The following ASH1L variants were observed in gnomAD, a reference collection of about 807,000 sequenced individuals.
ASH1L encodes the protein ASH1 like histone lysine methyltransferase, also known as histone-lysine N-methyltransferase ASH1L.
ASH1L carries 23 observed loss-of-function variants against 269.0 expected under a neutral mutation model. That is an observed-to-expected ratio of 0.09 (90% CI 0.06 to 0.12). The LOEUF is 0.12. Among genes scored for constraint, ASH1L ranks in the 10% least tolerant of loss-of-function variants. ASH1L has a pLI of 1.00. For missense variants in ASH1L, 2,912 were observed against 3,567.8 expected (o/e 0.82, Z 4.68); for synonymous variants, 1,187 against 1,253.5 (o/e 0.95, Z 1.12).
At chr1:155,544,601 A>G (rs1670665474) in intron 1 of ASH1L, among the ~76,000 whole-genome samples, 2 of 152,128 alleles carry the variant, frequency 1.3e-5, no homozygotes, top group Non-Finnish European at 2.9e-5. Flanking sequence ...AACCCTTCTT[A>G]GGCAAATCAG....
At chr1:155,451,142 A>G (rs1451810104) in intron 4 of ASH1L, among the ~76,000 whole-genome samples, 2 of 150,708 alleles carry the variant, frequency 1.3e-5, no homozygotes, top group East Asian at 3.9e-4. Context: ...GGTTGCAGTG[A>G]GCTGAGATCT....
chr1:155,394,958 A>G (rs1231913943), intron 7 of ASH1L, among the ~76,000 whole-genome samples: 2 of 152,186 alleles, frequency 1.3e-5, no homozygotes, highest in East Asian at 3.8e-4. Context: ...TTTTAGAGAC[A>G]GGATTTCTCT....
intron 6 of ASH1L, among the ~76,000 whole-genome samples, chr1:155,396,561 C>T (rs1259308634): frequency 6.6e-6 from 1 of 151,844 alleles, no homozygotes. Flanking sequence ...GTGATGCATC[C>T]GCCTCAGCCA....
At chr1:155,497,968 G>A (rs771252348) in intron 2 of ASH1L, among the ~76,000 whole-genome samples, 12 of 151,912 alleles carry the variant, frequency 7.9e-5, no homozygotes, top group Non-Finnish European at 1.6e-4. Flanking sequence ...TAGCCAGGAT[G>A]GTCTCGATCT....
At chr1:155,530,968 G>C (rs1414025379) in intron 1 of ASH1L, among the ~76,000 whole-genome samples, 1 of 151,964 alleles carries the variant, frequency 6.6e-6, no homozygotes, top group Non-Finnish European at 1.5e-5. Flanking sequence ...CTGGCCAACA[G>C]AGTGACACTC....
intron 5 of ASH1L, among the ~76,000 whole-genome samples, chr1:155,422,837 G>A (rs1660815959): frequency 1.3e-5 from 2 of 151,572 alleles, no homozygotes; most frequent in African/African-American, 4.8e-5. Context: ...TTTTAATAGA[G>A]ACAGGTTTCA....
At chr1:155,537,034 A>C (rs1321280479) in intron 1 of ASH1L, among the ~76,000 whole-genome samples, 1 of 148,858 alleles carries the variant, frequency 6.7e-6, no homozygotes, top group Non-Finnish European at 1.5e-5. Context: ...ACAGAGCAAG[A>C]CTCTGTCTCA....
At chr1:155,554,694 TTAAAAAACAAAA>T (rs1339341811) in intron 1 of ASH1L, among the ~76,000 whole-genome samples, 1 of 151,992 alleles carries the variant, frequency 6.6e-6, no homozygotes, top group Non-Finnish European at 1.5e-5. Flanking sequence ...CATCTGAGAT[TTAAAAAACAAAA>T]ACAAAAACAA....
At position 155,337,698 on chromosome 1, in the gene ASH1L, G is replaced by T; in HGVS notation, c.8857C>A (p.Arg2953Ser). 1 of 1,613,946 alleles carries T rather than the reference G, an allele frequency of 6.2e-7. No individual in the cohort carries two copies. Among genetic ancestry groups the T allele is most frequent in the South Asian group, 1.1e-5 (1 of 91,078 alleles). The stretch of plus-strand genomic sequence containing the variant: ...CTGTTTTCTGGGATAAACAAAGTAC[G>T]CCTTCGCAGTTTCCTGCCTGATCCT... ...EEGSGRKLRR[R>S]TLFIPENSFR... The change falls in exon 28 of 28, where the codon CGT becomes AGT. Residue 2953 changes from arginine (R) to serine (S), a missense_variant. Physicochemically the swap from Arg to Ser is moderately radical, Grantham distance 110 (BLOSUM62 -1). This residue lies in a region of ASH1L where 154 missense variants were observed against 165.0 expected (regional missense o/e 0.93). Coordinates refer to ENST00000392403, the MANE Select transcript of ASH1L (RefSeq NM_018489.3).
chr1:155,392,352 TA>T (rs1293381185), intron 7 of ASH1L, among the ~76,000 whole-genome samples: 2 of 152,192 alleles, frequency 1.3e-5, no homozygotes, highest in Non-Finnish European at 2.9e-5. Flanking sequence ...AAAAGAGCTA[TA>T]CAAGCGGGAA....
rs565516383 is a variant in ASH1L, at chr1:155,512,818, G to T, written c.420+8282C>A. Among the ~76,000 whole-genome samples, 9 of 152,032 alleles carry T rather than the reference G, an allele frequency of 5.9e-5. No individual in the cohort carries two copies. The East Asian group carries it at 1.8e-3, about 30-fold the overall frequency. On this transcript the variant is annotated intron_variant, in intron 2 of 27. Coordinates refer to ENST00000392403, the MANE Select transcript of ASH1L (RefSeq NM_018489.3). ...TGACACCTTGTAATCCCAGCACTTT[G>T]GGGGGCTGAGATGGGAGGATCACTT...
intron 3 of ASH1L, among the ~76,000 whole-genome samples, chr1:155,470,463 C>CA (rs1182894729): frequency 2.1e-5 from 3 of 145,342 alleles, no homozygotes; most frequent in East Asian, 3.9e-4. Flanking sequence ...TCTCAAAAAA[C>CA]AAAAAACAAA....
At position 155,483,959 on chromosome 1, in the gene ASH1L, T is replaced by C. The variant is rs540253737; in HGVS notation, c.421-1510A>G. Among the ~76,000 whole-genome samples the C allele has an allele frequency of 1.1e-4, 16 of 152,274 alleles. 1 individual carries two copies. The South Asian group carries it at 3.3e-3, about 32-fold the overall frequency. ...TATGCTATGCCTTATACATATAATA[T>C]ACCTTCTGTATAAGAAAATGGGGAT... On this transcript the variant is annotated intron_variant, in intron 2 of 27. Transcript: ENST00000392403.
intron 12 of ASH1L, among the ~76,000 whole-genome samples, chr1:155,363,335 G>A (rs576088750): frequency 2.8e-4 from 43 of 152,072 alleles, no homozygotes; most frequent in Middle Eastern, 6.8e-3. Flanking sequence ...GAGTACAGTG[G>A]CGCAATCTCA....
At chr1:155,395,367 T>G in intron 7 of ASH1L, 92 bp downstream of exon 7, 1 of 949,124 alleles carries the variant, frequency 1.1e-6, no homozygotes, top group Non-Finnish European at 1.5e-6. Flanking sequence ...ACTGGAGAAA[T>G]AGAAATAATA....
chr1:155,421,317 GTTTTT>G (rs11442413), intron 5 of ASH1L, among the ~76,000 whole-genome samples: 2 of 85,892 alleles, frequency 2.3e-5, no homozygotes, highest in African/African-American at 8.5e-5. Context: ...AGTACCAACA[GTTTTT>G]TTTTTTTTTT....
At chr1:155,526,302 A>G (rs1394103251) in intron 1 of ASH1L, among the ~76,000 whole-genome samples, 3 of 152,230 alleles carry the variant, frequency 2.0e-5, no homozygotes, top group South Asian at 4.1e-4. Context: ...CCTGTTTTAC[A>G]TAACTTTATC....
chr1:155,487,079 C>T (rs566104200), intron 2 of ASH1L, among the ~76,000 whole-genome samples: 6 of 152,168 alleles, frequency 3.9e-5, no homozygotes, highest in Non-Finnish European at 7.4e-5. Context: ...GCAGGATAAT[C>T]GCTTGAACCC....
At chr1:155,410,060 G>A (rs993003194) in intron 6 of ASH1L, among the ~76,000 whole-genome samples, 3 of 151,756 alleles carry the variant, frequency 2.0e-5, no homozygotes, top group African/African-American at 7.3e-5. Flanking sequence ...AGCTACTCGG[G>A]AGGCTGAGGC....
Sources: gnomAD v4.1 joint callset for allele counts (sites outside exome capture counted in the v4.1 genomes callset) on GRCh38, gnomAD v4.1.1 for gene constraint, gnomAD v4.1.1 regional missense constraint, MANE v1.5 for transcripts, NCBI Gene and HGNC (gene_info 2026-07-23, HGNC 2026-07-21) for gene names.